Variants in PHACTR3 observed in about 807,000 individuals in gnomAD.
PHACTR3 encodes phosphatase and actin regulator 3, also known as protein phosphatase 1, regulatory subunit 123.
A neutral mutation model predicts 66.8 loss-of-function variants in PHACTR3; 16 were observed. The observed-to-expected ratio is 0.24, with a 90% CI of 0.16 to 0.36. PHACTR3 has a LOEUF of 0.36. Among genes scored for constraint, PHACTR3 ranks in the 10% least tolerant of loss-of-function variants. The probability of loss-of-function intolerance (pLI) is 1.00; values close to 1 mark genes in which losing one functional copy is unlikely to be tolerated. For synonymous variants in PHACTR3, 323 were observed against 292.1 expected, an observed-to-expected ratio of 1.11 and a Z score of -1.08; for missense variants, 647 against 719.9, an observed-to-expected ratio of 0.90 and a Z score of 1.16.
chr20:59,632,784 GC>G (rs2146396924), intron 1 of PHACTR3, among the ~76,000 whole-genome samples: 1 of 152,334 alleles, frequency 6.6e-6, no homozygotes, highest in African/African-American at 2.4e-5. Flanking sequence ...GAATGCAAAT[GC>G]CCACCTACTT....
intron 10 of PHACTR3, among the ~76,000 whole-genome samples, chr20:59,840,873 T>TCAAA (rs571433500): frequency 2.6e-5 from 4 of 152,238 alleles, no homozygotes; most frequent in African/African-American, 7.2e-5. Flanking sequence ...TCTCTGTGAC[T>TCAAA]CAAACAGTTA....
intron 1 of PHACTR3, among the ~76,000 whole-genome samples, chr20:59,727,119 C>A (rs1394322076): frequency 6.6e-6 from 1 of 152,104 alleles, no homozygotes; most frequent in African/African-American, 2.4e-5. Flanking sequence ...AACTACGCAT[C>A]TACTTTCTGT....
upstream of PHACTR3, among the ~76,000 whole-genome samples, chr20:59,602,093 G>C (rs1189180913): frequency 1.3e-5 from 2 of 152,168 alleles, no homozygotes; most frequent in Non-Finnish European, 2.9e-5. Context: ...ACATTAAGGA[G>C]GATGTCTCTA....
At chr20:59,774,973 T>A (rs2040482599) in intron 7 of PHACTR3, among the ~76,000 whole-genome samples, 1 of 152,136 alleles carries the variant, frequency 6.6e-6, no homozygotes, top group Non-Finnish European at 1.5e-5. Context: ...TGATCTCAAA[T>A]GGCCGTCTCA....
chr20:59,708,624 G>A (rs2037805102), intron 1 of PHACTR3, among the ~76,000 whole-genome samples: 1 of 152,148 alleles, frequency 6.6e-6, no homozygotes, highest in South Asian at 2.1e-4. Context: ...AGATATTTAG[G>A]TCCTGCTTCA....
chr20:59,589,398 G>A (rs1037063649), intron 1 of PHACTR3, among the ~76,000 whole-genome samples: 2 of 152,148 alleles, frequency 1.3e-5, no homozygotes, highest in Admixed American at 6.5e-5. Flanking sequence ...AAACACGGAC[G>A]GCCGTTACTA....
intron 1 of PHACTR3, among the ~76,000 whole-genome samples, chr20:59,733,505 A>G (rs2038842349): frequency 6.6e-6 from 1 of 152,016 alleles, no homozygotes; most frequent in Non-Finnish European, 1.5e-5. Context: ...TTAAAGGTTA[A>G]CTTCTTCCTC....
At chr20:59,591,107 T>G (rs1238938003) in intron 1 of PHACTR3, among the ~76,000 whole-genome samples, 1 of 152,232 alleles carries the variant, frequency 6.6e-6, no homozygotes, top group Non-Finnish European at 1.5e-5. Flanking sequence ...GTACATCATC[T>G]TCATTCTCGT....
chr20:59,717,165 C>A (rs1455997531), intron 1 of PHACTR3, among the ~76,000 whole-genome samples: 1 of 152,052 alleles, frequency 6.6e-6, no homozygotes, highest in Non-Finnish European at 1.5e-5. Flanking sequence ...ATAATTATTT[C>A]TTGGATTCAT....
chr20:59,845,092 G>A, intron 11 of PHACTR3, 97 bp from the exon 12 acceptor site: 1 of 759,894 alleles, frequency 1.3e-6, no homozygotes, highest in South Asian at 1.8e-5. Context: ...ACATAATAGA[G>A]TCAACAAGGA....
intron 8 of PHACTR3, among the ~76,000 whole-genome samples, chr20:59,824,350 A>G (rs2042127054): frequency 6.6e-6 from 1 of 152,212 alleles, no homozygotes; most frequent in Non-Finnish European, 1.5e-5. Flanking sequence ...CTCTCTCCTC[A>G]GGTGATTTGT....
intron 1 of PHACTR3, among the ~76,000 whole-genome samples, chr20:59,605,712 C>T (rs2033639414): frequency 6.6e-6 from 1 of 152,222 alleles, no homozygotes; most frequent in East Asian, 1.9e-4. Context: ...AGCCCGGTTT[C>T]GTGACAGCGT....
rs1166420318 is a variant in PHACTR3 at position 59,639,993 on chromosome 20, TC to T, written c.118+34862del. ...CAATTCTGGCATTGTAAGAGAGAGC[TC>T]TATGGAATAGCAAAAAACAGGCACA... is the stretch of plus-strand genomic sequence containing the variant. On this transcript the variant is annotated intron_variant, in intron 1 of 12. Transcript: ENST00000371015. Among the ~76,000 whole-genome samples the T allele has an allele frequency of 1.2e-4, 18 of 152,292 alleles. 1 individual carries two copies. In the East Asian group the frequency reaches 2.9e-3, roughly 24 times the overall value.
rs142613001 is a variant in PHACTR3, at chr20:59,845,351, C to T, written c.1664+86C>T. 191 of 835,748 alleles carry T rather than the reference C, an allele frequency of 2.3e-4. No homozygotes were observed. In the East Asian group the frequency reaches 4.9e-3, roughly 21 times the overall value. The allele number at this position is 835,748 out of a possible 1,614,324, so 51.8% of individuals were successfully genotyped here. ...CGTCCCCCGCCACAAACCATGTATC[C>T]AGCTATACAAATTCAGCATTTTTCC... On this transcript the variant is annotated intron_variant, in intron 12 of 12. Transcript: ENST00000371015.
At chr20:59,740,768 C>A (rs893473535) in intron 1 of PHACTR3, among the ~76,000 whole-genome samples, 5 of 152,210 alleles carry the variant, frequency 3.3e-5, no homozygotes, top group East Asian at 3.9e-4. Flanking sequence ...GGAAGCCAGA[C>A]CCCGTGGAAG....
chr20:59,601,112 G>A (rs966047984), upstream of PHACTR3, among the ~76,000 whole-genome samples: 1 of 152,106 alleles, frequency 6.6e-6, no homozygotes, highest in Non-Finnish European at 1.5e-5. Context: ...AAAAAGAAAC[G>A]GTACCCATTA....
chr20:59,814,824 C>T (rs6027137), intron 8 of PHACTR3, among the ~76,000 whole-genome samples: 5 of 152,234 alleles, frequency 3.3e-5, no homozygotes, highest in African/African-American at 1.2e-4. Context: ...ACACTGGGGT[C>T]TGGAAACCCA....
In PHACTR3 at chr20:59,687,872, C is replaced by A. The variant is rs1317888097; in HGVS notation, c.119-55235C>A. On this transcript the variant is annotated intron_variant, in intron 1 of 12. Transcript: ENST00000371015. ...ACATCACATGGGGCTTTGAATTTCA[C>A]AGAATCCTGTGGTCAGCTGGTTGCT... 2.0e-5 allele frequency among the ~76,000 whole-genome samples: 3 copies of A among 152,108 alleles called. No individual in the cohort carries two copies. In the East Asian group the frequency reaches 5.8e-4, roughly 29 times the overall value.
intron 1 of PHACTR3, among the ~76,000 whole-genome samples, chr20:59,655,567 AT>A (rs1351839007): frequency 6.6e-6 from 1 of 151,870 alleles, no homozygotes; most frequent in Non-Finnish European, 1.5e-5. Flanking sequence ...CTAGCTAAAG[AT>A]TTATAAGTTT....
Sources: gnomAD v4.1 joint callset for allele counts (sites outside exome capture counted in the v4.1 genomes callset) on GRCh38, gnomAD v4.1.1 for gene constraint, MANE v1.5 for transcripts, NCBI Gene and HGNC (gene_info 2026-07-23, HGNC 2026-07-21) for gene names.